The following USH2A variants were observed in gnomAD, a reference collection of about 807,000 sequenced individuals.
USH2A encodes the protein Usher syndrome 2A (autosomal recessive, mild).
Under a neutral mutation model 538.9 loss-of-function variants are expected in USH2A, and 443 were observed. That is an observed-to-expected ratio of 0.82 (90% CI 0.76 to 0.89). USH2A has a LOEUF of 0.89. Among genes scored for constraint, USH2A ranks in the 40% least tolerant of loss-of-function variants. The pLI, the probability that USH2A is intolerant of heterozygous loss-of-function variation, is 0.00. For synonymous variants in USH2A, 2,413 were observed against 2,273.5 expected (o/e 1.06, Z -1.75); for missense variants, 6,633 against 6,324.8 (o/e 1.05, Z -1.65).
intron 47 of USH2A, among the ~76,000 whole-genome samples, chr1:215,836,469 TATATATATATAATATATATTATATATATA>T (rs1663493494): frequency 9.8e-5 from 1 of 10,192 alleles, no homozygotes; most frequent in African/African-American, 2.7e-4. Flanking sequence ...ATATATTATA[TATATATATATAATATATATTATATATATA>T]ATATATATTA....
At chr1:215,704,408 T>C (rs1196347157) in intron 61 of USH2A, among the ~76,000 whole-genome samples, 1 of 152,210 alleles carries the variant, frequency 6.6e-6, no homozygotes, top group Non-Finnish European at 1.5e-5. Flanking sequence ...CTTATGAACT[T>C]TGGACTGCTT....
At chr1:216,056,321 AAAAG>A (rs1558234602) in intron 30 of USH2A, among the ~76,000 whole-genome samples, 1 of 152,232 alleles carries the variant, frequency 6.6e-6, no homozygotes, top group African/African-American at 2.4e-5. Context: ...AGAGGAAAAG[AAAAG>A]AAAGAGAAAT....
chr1:216,027,658 A>C (rs1558219164), intron 32 of USH2A, among the ~76,000 whole-genome samples: 1 of 152,142 alleles, frequency 6.6e-6, no homozygotes, highest in African/African-American at 2.4e-5. Context: ...GCAGACCTAT[A>C]ATTTCCACTT....
intron 61 of USH2A, among the ~76,000 whole-genome samples, chr1:215,697,436 T>C (rs766683063): frequency 2.0e-5 from 3 of 152,188 alleles, no homozygotes; most frequent in Non-Finnish European, 4.4e-5. Context: ...TCAAATACTT[T>C]ATTGCTGTGT....
chr1:215,881,246 T>G lies in USH2A; in HGVS notation c.8224-2148A>C, dbSNP rs1410466160. Among the ~76,000 whole-genome samples, 3 of 152,242 alleles carry G rather than the reference T, an allele frequency of 2.0e-5. No individual in the cohort carries two copies. The East Asian group carries it at 5.8e-4, about 29-fold the overall frequency. ...ACCTCTGCCTTCTGGGTTCGAGCGA[T>G]TCTCCTGCTTCAGCCCCCTGAGTGG... On this transcript the variant is annotated intron_variant, in intron 41 of 71. Transcript: ENST00000307340.
At chr1:215,877,415 C>T (rs190959702) in intron 43 of USH2A, among the ~76,000 whole-genome samples, 25 of 152,294 alleles carry the variant, frequency 1.6e-4, no homozygotes, top group African/African-American at 5.1e-4. Flanking sequence ...AAGCATTCTA[C>T]AAGTGCCCAG....
At chr1:215,698,073 T>G (rs1484439262) in intron 61 of USH2A, among the ~76,000 whole-genome samples, 1 of 152,074 alleles carries the variant, frequency 6.6e-6, no homozygotes, top group Non-Finnish European at 1.5e-5. Context: ...TGAGAACATG[T>G]GGTGTTTGGT....
chr1:216,394,844 A>T (rs188085556), intron 3 of USH2A, among the ~76,000 whole-genome samples: 2,266 of 149,846 alleles, frequency 0.015, 32 homozygotes, highest in Non-Finnish European at 0.025. Context: ...TCAGCCTCCC[A>T]AGTAGCTGGG....
intron 55 of USH2A, among the ~76,000 whole-genome samples, chr1:215,774,065 C>G (rs1034996458): frequency 7.9e-5 from 12 of 152,234 alleles, no homozygotes; most frequent in African/African-American, 1.2e-4. Context: ...TTTCCTCCCC[C>G]CCATTGAGCA....
chr1:215,759,683 A>C lies in USH2A; in HGVS notation c.11208T>G (p.Asp3736Glu). Residue 3736 changes from aspartate (D) to glutamate (E), a missense_variant, in exon 57 of 72, where the codon GAT becomes GAG. Asp to Glu is a conservative substitution (Grantham distance 45, BLOSUM62 2). Transcript: ENST00000307340. ...LGGSEEQNFT[D>E]KNLEPNSRYT... ...ACCTGCTATTGGGCTCCAGGTTTTTATCAGTGAAATTCTGCTCCTCACTGC... is the reference window on the plus strand; with the variant it reads ...ACCTGCTATTGGGCTCCAGGTTTTTCTCAGTGAAATTCTGCTCCTCACTGC... 1 of 1,613,980 alleles carries C rather than the reference A, an allele frequency of 6.2e-7. No homozygotes were observed. Among genetic ancestry groups the C allele is most frequent in the Admixed American group, 1.7e-5 (1 of 60,006 alleles).
chr1:216,235,070 C>A (rs1285543576), intron 13 of USH2A, among the ~76,000 whole-genome samples: 2 of 152,128 alleles, frequency 1.3e-5, no homozygotes, highest in African/African-American at 4.8e-5. Flanking sequence ...CAGGTAACTT[C>A]CTGCTTAAAG....
intron 35 of USH2A, among the ~76,000 whole-genome samples, chr1:215,980,285 AG>A (rs1481363385): frequency 1.3e-5 from 2 of 152,138 alleles, no homozygotes; most frequent in African/African-American, 4.8e-5. Flanking sequence ...TGACAAGAAA[AG>A]CTTTTAGAGA....
At chr1:216,060,418 T>C (rs576705237) in intron 30 of USH2A, among the ~76,000 whole-genome samples, 33 of 152,288 alleles carry the variant, frequency 2.2e-4, no homozygotes, top group Non-Finnish European at 4.4e-4. Context: ...ATTAAGTCCA[T>C]TGTATGTAAA....
chr1:215,970,959 A>T (rs1667481434), intron 35 of USH2A, among the ~76,000 whole-genome samples, 183 bp from the exon 36 acceptor site: 1 of 151,804 alleles, frequency 6.6e-6, no homozygotes, highest in Admixed American at 6.6e-5. Context: ...ACCCTTGAAT[A>T]TCAAACTGTA....
chr1:216,217,558 C>G lies in USH2A; in HGVS notation c.2994-8G>C, dbSNP rs779651469. ...CAATTACAAGGCTGACATCTGAAAA[C>G]AAGGCAAATAAACCATCAAAGAGAA... On this transcript the variant is annotated splice_region_variant and splice_polypyrimidine_tract_variant and intron_variant, in intron 14 of 71. Transcript: ENST00000307340. The G allele has an allele frequency of 6.2e-7, 1 of 1,612,548 alleles. No homozygotes were observed. The highest frequency in any genetic ancestry group is 8.5e-7 in the Non-Finnish European group (1 of 1,179,032).
At chr1:216,296,742 C>T (rs560574288) in intron 9 of USH2A, among the ~76,000 whole-genome samples, 3 of 152,064 alleles carry the variant, frequency 2.0e-5, no homozygotes, top group Non-Finnish European at 4.4e-5. Flanking sequence ...GAATATGTGG[C>T]AACCATTAAA....
chr1:216,008,858 T>G (rs1668473364), intron 32 of USH2A, among the ~76,000 whole-genome samples: 1 of 152,144 alleles, frequency 6.6e-6, no homozygotes, highest in Non-Finnish European at 1.5e-5. Flanking sequence ...GACCCAAAAC[T>G]CTGGCGCCAG....
At chr1:216,185,401 A>C (rs910029260) in intron 20 of USH2A, among the ~76,000 whole-genome samples, 1 of 151,964 alleles carries the variant, frequency 6.6e-6, no homozygotes, top group South Asian at 2.1e-4. Context: ...ATAAATCTTC[A>C]CAAGTATCTT....
In USH2A at chr1:216,078,075, C is replaced by T; in HGVS notation, c.5572+14G>A. On this transcript the variant is annotated intron_variant, in intron 27 of 71. Coordinates refer to ENST00000307340, the MANE Select transcript of USH2A (RefSeq NM_206933.4). ...GGCTGTATGGATTTGTGAATTCCTCCAGATGGAACTTACCTTGTTCCAAAC... is the reference window on the plus strand; with the variant it reads ...GGCTGTATGGATTTGTGAATTCCTCTAGATGGAACTTACCTTGTTCCAAAC... 6.2e-7 allele frequency: 1 copy of T among 1,613,434 alleles called. No homozygotes were observed. Among genetic ancestry groups the T allele is most frequent in the Non-Finnish European group, 8.5e-7 (1 of 1,179,628 alleles).
Sources: allele counts gnomAD v4.1 joint callset (sites outside exome capture counted in the v4.1 genomes callset), GRCh38; gene constraint gnomAD v4.1.1; transcripts MANE v1.5; gene names NCBI Gene and HGNC (gene_info 2026-07-23, HGNC 2026-07-21).